Variants in NUP160 observed in about 807,000 individuals in gnomAD.
NUP160 encodes the protein nuclear pore complex protein Nup160.
NUP160 carries 94 observed loss-of-function variants against 196.9 expected under a neutral mutation model. The ratio of observed to expected loss-of-function variants is 0.48; its 90% CI spans 0.40 to 0.57. The LOEUF is 0.57. Among genes scored for constraint, NUP160 ranks in the 20% least tolerant of loss-of-function variants. The pLI, the probability that NUP160 is intolerant of heterozygous loss-of-function variation, is 0.00. For synonymous variants in NUP160, 605 were observed against 619.7 expected, an observed-to-expected ratio of 0.98 and a Z score of 0.35; for missense variants, 1,638 against 1,748.3, an observed-to-expected ratio of 0.94 and a Z score of 1.13.
intron 2 of NUP160, chr11:47,841,447 G>A (rs1352397003): frequency 2.4e-6 from 1 of 422,886 alleles, no homozygotes. Context: ...CACTGGCAGA[G>A]CATTTCTTTT....
chr11:47,803,531 A>G, exon 22 of NUP160: 1 of 1,593,080 alleles, frequency 6.3e-7, no homozygotes. Context: ...GCAGTTGAAT[A>G]TAATCCTTAA....
chr11:47,848,471 G>C (rs750231460), upstream of NUP160: 30 of 1,376,614 alleles, frequency 2.2e-5, no homozygotes, highest in Middle Eastern at 2.6e-4. Flanking sequence ...CTTCCACCGG[G>C]AGAATGAGGG....
chr11:47,810,671 T>C (rs1018639029), intron 17 of NUP160, among the ~76,000 whole-genome samples: 8 of 151,908 alleles, frequency 5.3e-5, no homozygotes, highest in East Asian at 1.9e-4. Flanking sequence ...CTTAGCCTCC[T>C]GAATGGCTGG....
chr11:47,809,960 T>C (rs1368897391), intron 17 of NUP160, among the ~76,000 whole-genome samples: 1 of 151,996 alleles, frequency 6.6e-6, no homozygotes. Context: ...GGTAGAAAAT[T>C]ATAAATTTTT....
chr11:47,841,908 T>G (rs1599351166), intron 2 of NUP160, among the ~76,000 whole-genome samples: 1 of 151,852 alleles, frequency 6.6e-6, no homozygotes, highest in Non-Finnish European at 1.5e-5. Flanking sequence ...AGGCTGATCT[T>G]GAACTCCTGG....
intron 7 of NUP160, among the ~76,000 whole-genome samples, chr11:47,833,873 G>A (rs1306324532): frequency 6.6e-6 from 1 of 152,226 alleles, no homozygotes. Flanking sequence ...CATGTCCTGT[G>A]AGACTCTACT....
At chr11:47,812,940 G>C in exon 15 of NUP160, 1 of 1,613,414 alleles carries the variant, frequency 6.2e-7, no homozygotes, top group Non-Finnish European at 8.5e-7. Context: ...GGAGACTGTA[G>C]GTTATAACAA....
At chr11:47,787,314 C>G (rs2097665131) in intron 31 of NUP160, among the ~76,000 whole-genome samples, 1 of 152,052 alleles carries the variant, frequency 6.6e-6, no homozygotes, top group Non-Finnish European at 1.5e-5. Context: ...TCTTGAACTC[C>G]TGACCTCAAG....
chr11:47,782,298 AAAAAAATATAT>A (rs1370334690), intron 34 of NUP160, among the ~76,000 whole-genome samples: 78 of 53,134 alleles, frequency 1.5e-3, no homozygotes, highest in Non-Finnish European at 2.2e-3. Flanking sequence ...TTAAAAAAAA[AAAAAAATATAT>A]ATATATATAT....
exon 23 of NUP160, chr11:47,801,880 G>T (rs748367374): frequency 1.2e-6 from 2 of 1,613,724 alleles, no homozygotes; most frequent in Non-Finnish European, 8.5e-7. Flanking sequence ...AGCGATCCAA[G>T]AATTCCTCTT....
At chr11:47,848,129 AGGATGAAACAG>A in intron 1 of NUP160, 79 bp downstream of exon 1, 4 of 1,454,074 alleles carry the variant, frequency 2.8e-6, no homozygotes, top group Non-Finnish European at 3.9e-6. Flanking sequence ...TGGACTCAGG[AGGATGAAACAG>A]GGCGTCAGGG....
intron 6 of NUP160, among the ~76,000 whole-genome samples, chr11:47,836,486 C>A (rs949525582): frequency 7.2e-5 from 11 of 151,970 alleles, no homozygotes; most frequent in African/African-American, 2.4e-4. Context: ...TGGTAGCGTG[C>A]CCCTGTAGTC....
At chr11:47,834,189 C>T (rs1350065315) in intron 7 of NUP160, among the ~76,000 whole-genome samples, 1 of 152,024 alleles carries the variant, frequency 6.6e-6, no homozygotes, top group Admixed American at 6.6e-5. Context: ...CTTTGCAGTT[C>T]TCGGTAAGAG....
At chr11:47,788,227 G>A in exon 31 of NUP160, 1 of 1,613,948 alleles carries the variant, frequency 6.2e-7, no homozygotes, top group East Asian at 2.2e-5. Context: ...AAGCTTAAAA[G>A]TCTGACAGAG....
chr11:47,812,331 T>A lies in NUP160; in HGVS notation c.2051A>T (p.Glu684Val). The change falls in exon 16 of 36, where the codon GAA becomes GTA. Residue 684 changes from glutamate to valine, a missense_variant. Around this residue, in one of 3 missense-constraint regions of NUP160, gnomAD observed 1,345 missense variants for 1,470.2 expected, o/e 0.91. Coordinates refer to ENST00000378460, the Ensembl canonical transcript of NUP160. ...ATTGAATCCCTTTTCCATTTCCACT[T>A]CTGTTTCATAATCCATTTCCCGTAT... 1.2e-6 allele frequency: 2 copies of A among 1,614,144 alleles called. No individual in the cohort carries two copies. Among genetic ancestry groups the A allele is most frequent in the Non-Finnish European group, 1.7e-6 (2 of 1,180,014 alleles).
chr11:47,785,389 C>T (rs2097663980), intron 32 of NUP160, among the ~76,000 whole-genome samples: 1 of 152,086 alleles, frequency 6.6e-6, no homozygotes, highest in East Asian at 1.9e-4. Context: ...CCTTGTCCTC[C>T]CTAAGTGTTG....
rs1851772577 is a variant in NUP160, at chr11:47,817,992, G to A, written c.1431+64C>T. ...GTTTAATATATGCAAAAACTTAATA[G>A]TAATTATATACAGTAATAAAATAAG... is the stretch of plus-strand genomic sequence containing the variant. On this transcript the variant is annotated intron_variant, in intron 11 of 35. Coordinates refer to ENST00000378460, the Ensembl canonical transcript of NUP160. The A allele has an allele frequency of 7.5e-6, 7 of 935,180 alleles. No homozygotes were observed. The East Asian group carries it at 1.6e-4, about 21-fold the overall frequency. The allele number at this position is 935,180 out of a possible 1,614,324, so 57.9% of individuals were successfully genotyped here.
In NUP160 at chr11:47,848,185, G is replaced by A. The variant is rs867185400; in HGVS notation, c.202+34C>T. 5 of 1,609,880 alleles carry A rather than the reference G, an allele frequency of 3.1e-6. No individual in the cohort carries two copies. The African/African-American group carries it at 6.7e-5, about 22-fold the overall frequency. On this transcript the variant is annotated intron_variant, in intron 1 of 35. Transcript: ENST00000378460. Reference sequence around the variant, plus strand: ...CCCATGAGAGGAGCCCGAGGGGACAGATGGGATCGCACCCTCCCTGGCCAT... The same window carrying A: ...CCCATGAGAGGAGCCCGAGGGGACAAATGGGATCGCACCCTCCCTGGCCAT...
chr11:47,783,365 T>G (rs2097662589), intron 33 of NUP160, among the ~76,000 whole-genome samples, 167 bp from the exon 34 acceptor site: 1 of 151,408 alleles, frequency 6.6e-6, no homozygotes, highest in Non-Finnish European at 1.5e-5. Flanking sequence ...ATAACAAATC[T>G]GGGGAGTTAG....
Sources: allele counts gnomAD v4.1 joint callset (sites outside exome capture counted in the v4.1 genomes callset), GRCh38; gene constraint gnomAD v4.1.1; regional missense constraint gnomAD v4.1.1; transcripts MANE v1.5; gene names NCBI Gene and HGNC (gene_info 2026-07-23, HGNC 2026-07-21).